RIMS2: variants seen among roughly 807,000 people sequenced by gnomAD.
The protein encoded by RIMS2 is regulating synaptic membrane exocytosis 2.
RIMS2 carries 59 observed loss-of-function variants against 174.4 expected under a neutral mutation model. The observed-to-expected ratio is 0.34, with a 90% CI of 0.27 to 0.42. RIMS2 has a LOEUF of 0.42. RIMS2 is among the 10% of genes least tolerant of loss of function. The pLI is 1.00. For synonymous variants in RIMS2, 606 were observed against 572.5 expected, an observed-to-expected ratio of 1.06 and a Z score of -0.84; for missense variants, 1,620 against 1,666.3, an observed-to-expected ratio of 0.97 and a Z score of 0.48.
intron 1 of RIMS2, among the ~76,000 whole-genome samples, chr8:103,630,334 A>G (rs2095881067): frequency 6.6e-6 from 1 of 152,150 alleles, no homozygotes; most frequent in South Asian, 2.1e-4. Flanking sequence ...CTATAAATTC[A>G]AAATCTTAAA....
chr8:103,850,697 C>A (rs1387827178), intron 3 of RIMS2, among the ~76,000 whole-genome samples: 2 of 152,002 alleles, frequency 1.3e-5, no homozygotes, highest in African/African-American at 2.4e-5. Flanking sequence ...TTTCTGGCTA[C>A]AACTCTTAAA....
chr8:103,857,263 C>CCT (rs1463800997), intron 3 of RIMS2, among the ~76,000 whole-genome samples: 1 of 152,084 alleles, frequency 6.6e-6, no homozygotes, highest in Non-Finnish European at 1.5e-5. Context: ...ATGGCTAGTG[C>CCT]CTCAGAATCT....
chr8:103,643,598 A>C (rs1298834165), intron 1 of RIMS2, among the ~76,000 whole-genome samples: 1 of 152,010 alleles, frequency 6.6e-6, no homozygotes, highest in African/African-American at 2.4e-5. Context: ...CAGAGGCTAA[A>C]ATTTTTCTAT....
chr8:104,185,376 T>C (rs1465727157), intron 19 of RIMS2, among the ~76,000 whole-genome samples: 1 of 151,554 alleles, frequency 6.6e-6, no homozygotes, highest in Non-Finnish European at 1.5e-5. Context: ...TGCCAAATAA[T>C]ATATAGGTAT....
At chr8:103,533,531 A>G (rs1425230483) in intron 1 of RIMS2, among the ~76,000 whole-genome samples, 2 of 151,940 alleles carry the variant, frequency 1.3e-5, no homozygotes, top group Non-Finnish European at 2.9e-5. Flanking sequence ...ATCTGCTAAG[A>G]TGTGTTAAAA....
At position 104,199,910 on chromosome 8, in the gene RIMS2, A is replaced by G. The variant is rs77995373; in HGVS notation, c.3335-45006A>G. On this transcript the variant is annotated intron_variant, in intron 19 of 23. Coordinates refer to ENST00000504942, the Ensembl canonical transcript of RIMS2. ...TCTAAAGTGTGCTTTAAAGAGGAAT[A>G]TGATGAACCTGGGTCCTACTTGGGG... is the stretch of plus-strand genomic sequence containing the variant. Among the ~76,000 whole-genome samples the G allele has an allele frequency of 9.0e-3, 1,373 of 152,294 alleles. 22 individuals are homozygous for G. Among genetic ancestry groups the G allele is most frequent in the Non-Finnish European group, 8.3e-3 (566 of 68,026 alleles).
chr8:104,159,804 C>T (rs117166370), intron 19 of RIMS2, among the ~76,000 whole-genome samples: 3,198 of 152,136 alleles, frequency 0.021, 50 homozygotes, highest in Middle Eastern at 0.041. Flanking sequence ...TAAAAATAAA[C>T]TTTTTTAAAA....
chr8:104,155,273 A>G (rs569048317), intron 19 of RIMS2, among the ~76,000 whole-genome samples: 58 of 149,828 alleles, frequency 3.9e-4, no homozygotes, highest in African/African-American at 1.4e-3. Context: ...CGCCTGGCTA[A>G]TTTTTTGTAT....
intron 17 of RIMS2, among the ~76,000 whole-genome samples, chr8:104,008,065 T>C (rs1391186097): frequency 6.6e-6 from 1 of 152,166 alleles, no homozygotes; most frequent in Non-Finnish European, 1.5e-5. Context: ...CCTCATCAGA[T>C]ATACTGATAT....
At chr8:103,646,175 G>A (rs1271783146) in intron 1 of RIMS2, among the ~76,000 whole-genome samples, 2 of 152,076 alleles carry the variant, frequency 1.3e-5, no homozygotes, top group Non-Finnish European at 2.9e-5. Flanking sequence ...GTGGTGGAAT[G>A]TCATCAGTTA....
chr8:103,955,817 G>C (rs2086986431), intron 14 of RIMS2, among the ~76,000 whole-genome samples: 1 of 152,142 alleles, frequency 6.6e-6, no homozygotes, highest in African/African-American at 2.4e-5. Flanking sequence ...GATTATCTCT[G>C]TTTGCAGATG....
chr8:103,669,214 T>C (rs2096713951), intron 1 of RIMS2, among the ~76,000 whole-genome samples: 1 of 152,068 alleles, frequency 6.6e-6, no homozygotes, highest in African/African-American at 2.4e-5. Context: ...AACCATCAGA[T>C]CTCGTGAGAC....
intron 4 of RIMS2, among the ~76,000 whole-genome samples, chr8:103,892,458 C>T (rs1383149889): frequency 6.6e-6 from 1 of 151,946 alleles, no homozygotes; most frequent in Non-Finnish European, 1.5e-5. Context: ...CCTGCCTCAG[C>T]CTCCCAAAGT....
intron 2 of RIMS2, among the ~76,000 whole-genome samples, chr8:103,743,152 CT>C (rs1467220075): frequency 6.6e-6 from 1 of 152,086 alleles, no homozygotes; most frequent in African/African-American, 2.4e-5. Flanking sequence ...AACTCTGCAC[CT>C]TTAATAAGCA....
intron 19 of RIMS2, among the ~76,000 whole-genome samples, chr8:104,118,760 G>A (rs532759730): frequency 3.3e-5 from 5 of 152,214 alleles, no homozygotes; most frequent in African/African-American, 7.2e-5. Flanking sequence ...TATTTTTCAC[G>A]GTTCTGGGAG....
At chr8:103,669,007 G>T (rs2096710821) in intron 1 of RIMS2, among the ~76,000 whole-genome samples, 1 of 152,098 alleles carries the variant, frequency 6.6e-6, no homozygotes, top group Admixed American at 6.6e-5. Flanking sequence ...GATTATCATA[G>T]TTTGTTAGTC....
At chr8:103,643,941 A>G (rs1010679696) in intron 1 of RIMS2, among the ~76,000 whole-genome samples, 3 of 152,076 alleles carry the variant, frequency 2.0e-5, no homozygotes, top group African/African-American at 7.2e-5. Flanking sequence ...AGCTTTGGCA[A>G]AACACCATCT....
intron 1 of RIMS2, among the ~76,000 whole-genome samples, chr8:103,653,112 G>A (rs532100576): frequency 4.9e-4 from 74 of 152,206 alleles, no homozygotes; most frequent in Non-Finnish European, 8.7e-4. Context: ...GGTTAAGCAA[G>A]TTTCTTTATT....
intron 1 of RIMS2, among the ~76,000 whole-genome samples, chr8:103,519,074 C>A (rs1036059962): frequency 6.6e-6 from 1 of 151,970 alleles, no homozygotes; most frequent in Non-Finnish European, 1.5e-5. Flanking sequence ...TTTCATGTAT[C>A]TTTACTTTTA....
Sources: allele counts gnomAD v4.1 joint callset (sites outside exome capture counted in the v4.1 genomes callset), GRCh38; gene constraint gnomAD v4.1.1; transcripts MANE v1.5; gene names NCBI Gene and HGNC (gene_info 2026-07-23, HGNC 2026-07-21).